The following LRFN5 variants were observed in gnomAD, a reference collection of about 807,000 sequenced individuals.
The protein encoded by LRFN5 is leucine rich repeat and fibronectin type III domain containing 5.
LRFN5 carries 24 observed loss-of-function variants against 45.6 expected under a neutral mutation model. That is an observed-to-expected ratio of 0.53 (90% CI 0.38 to 0.74). The LOEUF (loss-of-function observed/expected upper bound fraction) is 0.74, where lower values mean the gene tolerates loss of function less well. LRFN5 is among the 30% of genes least tolerant of loss of function. The probability of loss-of-function intolerance (pLI) is 0.00; values close to 1 mark genes in which losing one functional copy is unlikely to be tolerated. For missense variants in LRFN5, 776 were observed against 861.5 expected (o/e 0.90, Z 1.24); for synonymous variants, 340 against 313.8 (o/e 1.08, Z -0.88).
intron 1 of LRFN5, among the ~76,000 whole-genome samples, chr14:41,732,284 G>A (rs1007174490): frequency 1.3e-5 from 2 of 152,074 alleles, no homozygotes; most frequent in African/African-American, 4.8e-5. Context: ...TGATTATGAC[G>A]AGGCAGTGGC....
chr14:41,806,398 G>T lies in LRFN5; in HGVS notation c.-21+39369G>T, dbSNP rs1887526814. On this transcript the variant is annotated intron_variant, in intron 2 of 5. Transcript: ENST00000298119. ...CATAAAGTGAAAAATGTACTAGATG[G>T]ATAGTCAATTGCTATTTTATTGTAC... 1.3e-5 allele frequency among the ~76,000 whole-genome samples: 2 copies of T among 152,150 alleles called. 1 individual carries two copies. The highest frequency in any genetic ancestry group is 2.9e-5 in the Non-Finnish European group (2 of 68,028).
chr14:41,646,021 G>A (rs1879798591), intron 1 of LRFN5, among the ~76,000 whole-genome samples: 1 of 151,822 alleles, frequency 6.6e-6, no homozygotes, highest in South Asian at 2.1e-4. Flanking sequence ...TACATATTTG[G>A]GGAGTATACA....
At chr14:41,893,854 CT>C (rs1890859629) in intron 4 of LRFN5, 4 of 985,146 alleles carry the variant, frequency 4.1e-6, no homozygotes, top group Non-Finnish European at 4.8e-6. Flanking sequence ...TTTGCAAAGT[CT>C]AATTATCCTT....
chr14:41,827,673 C>T (rs545766758), intron 2 of LRFN5, among the ~76,000 whole-genome samples: 2 of 151,962 alleles, frequency 1.3e-5, no homozygotes, highest in Admixed American at 1.3e-4. Flanking sequence ...AGACCTGCTA[C>T]TCGTTAACCA....
At chr14:41,649,233 TC>T (rs1156690471) in intron 1 of LRFN5, among the ~76,000 whole-genome samples, 1 of 150,952 alleles carries the variant, frequency 6.6e-6, no homozygotes, top group Non-Finnish European at 1.5e-5. Flanking sequence ...AGAGTCTGTC[TC>T]CCCACCACCC....
At chr14:41,763,623 T>C (rs1427644349) in intron 1 of LRFN5, among the ~76,000 whole-genome samples, 1 of 152,112 alleles carries the variant, frequency 6.6e-6, no homozygotes, top group African/African-American at 2.4e-5. Flanking sequence ...CCAAAGCTGT[T>C]CTGGTGATAG....
chr14:41,673,385 G>T, intron 1 of LRFN5, among the ~76,000 whole-genome samples: 1 of 145,480 alleles, frequency 6.9e-6, no homozygotes, highest in Non-Finnish European at 1.5e-5. Flanking sequence ...GGCTGGCCGG[G>T]CAGGGGGCTG....
chr14:41,880,180 G>A (rs1394396269), intron 2 of LRFN5, among the ~76,000 whole-genome samples: 3 of 151,826 alleles, frequency 2.0e-5, no homozygotes, highest in South Asian at 2.1e-4. Flanking sequence ...GCCCGCCTTG[G>A]CCTCCCAAAG....
chr14:41,889,498 CT>C (rs1890705395), intron 3 of LRFN5, among the ~76,000 whole-genome samples: 2 of 152,194 alleles, frequency 1.3e-5, no homozygotes, highest in South Asian at 4.1e-4. Context: ...ACAAATACCC[CT>C]CCCCACCCCA....
intron 2 of LRFN5, among the ~76,000 whole-genome samples, chr14:41,864,371 G>C (rs1319440701): frequency 6.6e-6 from 1 of 152,104 alleles, no homozygotes. Flanking sequence ...ATTCTAACTG[G>C]CGTGAGATGG....
chr14:41,892,003 G>C, intron 4 of LRFN5, 41 bp downstream of exon 4: 1 of 1,592,964 alleles, frequency 6.3e-7, no homozygotes, highest in Non-Finnish European at 8.5e-7. Flanking sequence ...CCGGAGCAAG[G>C]CACAAGTACT....
intron 1 of LRFN5, among the ~76,000 whole-genome samples, chr14:41,745,137 T>C (rs941344777): frequency 1.3e-5 from 2 of 152,162 alleles, no homozygotes; most frequent in Admixed American, 6.5e-5. Flanking sequence ...ACAGATTAAG[T>C]ATCTATACAT....
At chr14:41,618,295 G>C (rs779265686) in intron 1 of LRFN5, among the ~76,000 whole-genome samples, 7 of 152,276 alleles carry the variant, frequency 4.6e-5, no homozygotes, top group African/African-American at 7.2e-5. Context: ...ATAGATGTGT[G>C]TTTCTCTTCT....
chr14:41,666,366 C>T (rs1316760532), intron 1 of LRFN5, among the ~76,000 whole-genome samples: 2 of 151,984 alleles, frequency 1.3e-5, no homozygotes, highest in African/African-American at 4.8e-5. Context: ...CATTTTTCAG[C>T]AACGGAAATG....
chr14:41,890,387 T>TA (rs879514516), intron 3 of LRFN5, among the ~76,000 whole-genome samples: 23 of 152,058 alleles, frequency 1.5e-4, no homozygotes, highest in Non-Finnish European at 2.9e-4. Flanking sequence ...TTGACTGCAT[T>TA]AAAAAAGGAT....
At chr14:41,756,721 A>T (rs1885403987) in intron 1 of LRFN5, among the ~76,000 whole-genome samples, 1 of 151,772 alleles carries the variant, frequency 6.6e-6, no homozygotes, top group Admixed American at 6.6e-5. Flanking sequence ...TTTAGCTCAG[A>T]GTAGTTTGAT....
intron 2 of LRFN5, among the ~76,000 whole-genome samples, chr14:41,806,695 A>C (rs1486132490): frequency 1.3e-5 from 2 of 152,176 alleles, no homozygotes; most frequent in Non-Finnish European, 2.9e-5. Flanking sequence ...GATTCATTTC[A>C]AATAAACTGA....
intron 2 of LRFN5, among the ~76,000 whole-genome samples, chr14:41,856,252 C>G (rs1889447877): frequency 6.6e-6 from 1 of 152,186 alleles, no homozygotes; most frequent in Non-Finnish European, 1.5e-5. Context: ...TCTATAAACA[C>G]ATGATCAAAA....
In LRFN5 at chr14:41,766,075, A is replaced by G. The variant is rs146246372; in HGVS notation, c.-196-779A>G. Among the ~76,000 whole-genome samples the G allele has an allele frequency of 1.0e-3, 156 of 152,270 alleles. 1 individual carries two copies. The highest frequency in any genetic ancestry group is 3.7e-3 in the African/African-American group (152 of 41,582). The stretch of plus-strand genomic sequence containing the variant: ...TTATTTCTCACTTTCGCTTCTTCAG[A>G]CAAAATAAGTTATAGTTAAAGTAAA... On this transcript the variant is annotated intron_variant, in intron 1 of 5. Coordinates refer to ENST00000298119, the MANE Select transcript of LRFN5 (RefSeq NM_152447.5).
Sources: allele counts gnomAD v4.1 joint callset (sites outside exome capture counted in the v4.1 genomes callset), GRCh38; gene constraint gnomAD v4.1.1; transcripts MANE v1.5; gene names NCBI Gene and HGNC (gene_info 2026-07-23, HGNC 2026-07-21).